The following STPG2 variants were observed in gnomAD, a reference collection of about 807,000 sequenced individuals.
The protein encoded by STPG2 is sperm-tail PG-rich repeat-containing protein 2.
Under a neutral mutation model 54.2 loss-of-function variants are expected in STPG2, and 56 were observed. That is an observed-to-expected ratio of 1.03 (90% confidence interval 0.83 to 1.29). The LOEUF (loss-of-function observed/expected upper bound fraction) is 1.29, where lower values mean the gene tolerates loss of function less well. STPG2 is among the 50% of genes most tolerant of loss of function. STPG2 has a pLI of 0.00. For missense variants in STPG2, 596 were observed against 544.9 expected, an observed-to-expected ratio of 1.09 and a Z score of -0.93; for synonymous variants, 200 against 181.8, an observed-to-expected ratio of 1.10 and a Z score of -0.81.
At position 97,682,256 on chromosome 4, in the gene STPG2, T is replaced by G. The variant is rs535222224; in HGVS notation, c.1320+30443A>C. On this transcript the variant is annotated intron_variant, in intron 10 of 10. Transcript: ENST00000295268. ...AGAGAGTCAAGATAACATACTGTGA[T>G]AGCTTAGAATATTCTATAAGATGGT... Among the ~76,000 whole-genome samples the G allele has an allele frequency of 3.3e-5, 5 of 151,930 alleles. No homozygotes were observed. The East Asian group carries it at 9.6e-4, about 29-fold the overall frequency.
intron 9 of STPG2, among the ~76,000 whole-genome samples, chr4:97,808,202 T>A (rs1393686140): frequency 4.0e-5 from 6 of 151,824 alleles, no homozygotes; most frequent in Admixed American, 3.9e-4. Flanking sequence ...AGCAATGAAA[T>A]AACAAATGTA....
chr4:97,809,069 A>G (rs955507946), intron 9 of STPG2, among the ~76,000 whole-genome samples: 3 of 152,190 alleles, frequency 2.0e-5, no homozygotes, highest in Non-Finnish European at 4.4e-5. Context: ...ATTAGACAAC[A>G]TGATTGGAAA....
intron 5 of STPG2, among the ~76,000 whole-genome samples, chr4:97,996,270 A>G (rs1363519907): frequency 6.6e-6 from 1 of 152,312 alleles, no homozygotes; most frequent in South Asian, 2.1e-4. Context: ...CAGAATAGAG[A>G]GCCCAGAAAG....
At chr4:97,456,112 C>T (rs1404076192) in intron 4 of STPG2, among the ~76,000 whole-genome samples, 1 of 152,124 alleles carries the variant, frequency 6.6e-6, no homozygotes, top group Non-Finnish European at 1.5e-5. Flanking sequence ...CTACAGACTC[C>T]AAGAAAACAT....
chr4:97,739,530 A>T (rs1404755138), intron 9 of STPG2, among the ~76,000 whole-genome samples: 2 of 152,240 alleles, frequency 1.3e-5, no homozygotes, highest in Admixed American at 1.3e-4. Context: ...GATAAAGGGG[A>T]TATCACCACT....
At chr4:97,850,621 C>T (rs1729128804) in intron 8 of STPG2, among the ~76,000 whole-genome samples, 1 of 151,140 alleles carries the variant, frequency 6.6e-6, no homozygotes, top group Admixed American at 6.6e-5. Context: ...CTACTTCTTG[C>T]AAAAAATAAA....
intron 5 of STPG2, among the ~76,000 whole-genome samples, chr4:98,020,740 G>A (rs1158821725): frequency 6.6e-6 from 1 of 152,178 alleles, no homozygotes; most frequent in Non-Finnish European, 1.5e-5. Context: ...TCCTGGTTTA[G>A]TCTTAGGAAG....
intron 8 of STPG2, among the ~76,000 whole-genome samples, chr4:97,843,237 G>A (rs1240929824): frequency 6.6e-6 from 1 of 150,416 alleles, no homozygotes; most frequent in Non-Finnish European, 1.5e-5. Context: ...TTTAAATCCT[G>A]TTCTTGCATT....
chr4:97,536,754 C>T (rs1578370154), intron 4 of STPG2, among the ~76,000 whole-genome samples: 1 of 152,098 alleles, frequency 6.6e-6, no homozygotes, highest in African/African-American at 2.4e-5. Context: ...CCTGGCTTGG[C>T]CCTTCACAGC....
chr4:97,957,929 T>C (rs1733740278), intron 7 of STPG2, among the ~76,000 whole-genome samples: 1 of 152,084 alleles, frequency 6.6e-6, no homozygotes, highest in African/African-American at 2.4e-5. Flanking sequence ...CCCTAAATTT[T>C]AAAACAAATC....
At chr4:97,636,908 G>C (rs1721562107) in intron 10 of STPG2, among the ~76,000 whole-genome samples, 1 of 151,710 alleles carries the variant, frequency 6.6e-6, no homozygotes, top group African/African-American at 2.4e-5. Flanking sequence ...AATTCTACCA[G>C]AGGTATAAGG....
At chr4:97,540,042 C>T (rs1731654425) in intron 4 of STPG2, among the ~76,000 whole-genome samples, 2 of 152,150 alleles carry the variant, frequency 1.3e-5, no homozygotes, top group African/African-American at 4.8e-5. Flanking sequence ...CTAAAATTGA[C>T]ACCCTAACAT....
At position 97,972,226 on chromosome 4, in the gene STPG2, C is replaced by A. The variant is rs1449863945; in HGVS notation, c.933+54G>T. The A allele has an allele frequency of 1.4e-5, 17 of 1,212,284 alleles. No individual in the cohort carries two copies. The East Asian group carries it at 3.6e-4, about 26-fold the overall frequency. The allele number at this position is 1,212,284 out of a possible 1,614,324, so 75.1% of individuals were successfully genotyped here. On this transcript the variant is annotated intron_variant, in intron 7 of 10. Coordinates refer to ENST00000295268, the MANE Select transcript of STPG2 (RefSeq NM_174952.3). ...TTATAACATGTAATTTCAAGAGAACCCTAAGAGCTTGATATTCAACATAAA... is the reference window on the plus strand; with the variant it reads ...TTATAACATGTAATTTCAAGAGAACACTAAGAGCTTGATATTCAACATAAA...
intron 5 of STPG2, among the ~76,000 whole-genome samples, chr4:98,000,860 C>G (rs1205265689): frequency 6.6e-6 from 1 of 152,026 alleles, no homozygotes; most frequent in African/African-American, 2.4e-5. Context: ...TACTAGTTAG[C>G]TGACTATATG....
intron 9 of STPG2, among the ~76,000 whole-genome samples, chr4:97,829,833 G>T (rs1728390421): frequency 6.6e-6 from 1 of 151,878 alleles, no homozygotes. Flanking sequence ...AGAAAAAAAT[G>T]AAAATGAATG....
chr4:98,032,018 C>T (rs987698659), intron 5 of STPG2, among the ~76,000 whole-genome samples: 1 of 152,132 alleles, frequency 6.6e-6, no homozygotes, highest in Non-Finnish European at 1.5e-5. Flanking sequence ...CAATGTGGTA[C>T]CACTTTACTC....
rs560561135 is a variant in STPG2 at position 97,601,549 on chromosome 4, A to T, written c.1321-42432T>A. ...CTCAAAGTCCATCTTTTTCCCACTG[A>T]TCTGTAAGTGGGACTTATATTTAAG... On this transcript the variant is annotated intron_variant, in intron 10 of 10. Coordinates refer to ENST00000295268, the MANE Select transcript of STPG2 (RefSeq NM_174952.3). 7.2e-5 allele frequency among the ~76,000 whole-genome samples: 11 copies of T among 151,884 alleles called. No homozygotes were observed. The East Asian group carries it at 1.5e-3, about 21-fold the overall frequency.
At chr4:97,476,503 G>C (rs1578328205) in intron 4 of STPG2, among the ~76,000 whole-genome samples, 1 of 151,808 alleles carries the variant, frequency 6.6e-6, no homozygotes. Context: ...CTGCTTACTT[G>C]ATTATTTTTC....
At chr4:97,694,505 G>A (rs976009905) in intron 10 of STPG2, among the ~76,000 whole-genome samples, 1 of 151,870 alleles carries the variant, frequency 6.6e-6, no homozygotes, top group Non-Finnish European at 1.5e-5. Context: ...GAGATTAAAT[G>A]GTACTTGAAA....
Sources: allele counts gnomAD v4.1 joint callset (sites outside exome capture counted in the v4.1 genomes callset), GRCh38; gene constraint gnomAD v4.1.1; transcripts MANE v1.5; gene names NCBI Gene and HGNC (gene_info 2026-07-23, HGNC 2026-07-21).